BIRC6: variants seen among roughly 807,000 people sequenced by gnomAD.
The protein encoded by BIRC6 is baculoviral IAP repeat containing 6, also known as dual E2 ubiquitin-conjugating enzyme/E3 ubiquitin-protein ligase BIRC6.
BIRC6 carries 98 observed loss-of-function variants against 503.3 expected under a neutral mutation model. The observed-to-expected ratio is 0.19, with a 90% CI of 0.17 to 0.23. The LOEUF is 0.23. Ranked by LOEUF, BIRC6 falls within the 10% of genes least tolerant of loss-of-function variation. The pLI, the probability that BIRC6 is intolerant of heterozygous loss-of-function variation, is 1.00. For missense variants in BIRC6, 5,360 were observed against 5,806.0 expected (o/e 0.92, Z 2.50); for synonymous variants, 2,240 against 2,078.7 (o/e 1.08, Z -2.11).
intron 73 of BIRC6, among the ~76,000 whole-genome samples, chr2:32,613,719 A>G (rs1028622400): frequency 2.0e-5 from 3 of 152,178 alleles, no homozygotes; most frequent in African/African-American, 7.2e-5. Flanking sequence ...TACCTGTTAA[A>G]ACACTCATAA....
chr2:32,485,582 G>A (rs2050899476), intron 39 of BIRC6, 61 bp from the exon 40 acceptor site: 2 of 1,082,730 alleles, frequency 1.8e-6, no homozygotes, highest in Non-Finnish European at 2.8e-6. Flanking sequence ...TTTTATTGTA[G>A]GAGGTAGGAC....
intron 3 of BIRC6, among the ~76,000 whole-genome samples, chr2:32,387,678 G>A (rs2038668368): frequency 6.6e-6 from 1 of 152,156 alleles, no homozygotes; most frequent in Admixed American, 6.5e-5. Flanking sequence ...CAATGCATCT[G>A]CTAAGCTGAA....
At chr2:32,410,450 A>G (rs1388421875) in intron 9 of BIRC6, among the ~76,000 whole-genome samples, 1 of 152,228 alleles carries the variant, frequency 6.6e-6, no homozygotes, top group Non-Finnish European at 1.5e-5. Context: ...GAACAGCTTC[A>G]TTAATACAAT....
chr2:32,569,296 A>T (rs1241723567), intron 65 of BIRC6, among the ~76,000 whole-genome samples: 1 of 151,800 alleles, frequency 6.6e-6, no homozygotes, highest in Admixed American at 6.6e-5. Context: ...GCCTGTAGTT[A>T]TTCTTATAGA....
At chr2:32,604,018 G>T (rs1012694824) in intron 71 of BIRC6, among the ~76,000 whole-genome samples, 19 of 151,986 alleles carry the variant, frequency 1.3e-4, no homozygotes, top group Admixed American at 5.9e-4. Context: ...CTTTTTAAGT[G>T]ACGTTCTGTT....
In BIRC6 at chr2:32,481,462, C is replaced by G. The variant is rs529487346; in HGVS notation, c.7542+9C>G. On this transcript the variant is annotated intron_variant, in intron 38 of 73. Coordinates refer to ENST00000421745, the MANE Select transcript of BIRC6 (RefSeq NM_016252.4). ...CAGCCAAGGTTTTTAAGGTATGATA[C>G]ATGAGAATAGTCTTTGAAAGGAGGC... 1.9e-6 allele frequency: 3 copies of G among 1,601,088 alleles called. No individual in the cohort carries two copies. The highest frequency in any genetic ancestry group is 2.6e-6 in the Non-Finnish European group (3 of 1,173,808).
chr2:32,502,216 A>G (rs1043059858), intron 47 of BIRC6, among the ~76,000 whole-genome samples: 35 of 152,250 alleles, frequency 2.3e-4, no homozygotes, highest in African/African-American at 7.7e-4. Flanking sequence ...GATGTTATGT[A>G]AGAAGAAGTA....
intron 1 of BIRC6, 28 bp from the exon 2 acceptor site, chr2:32,377,558 TTA>T (rs2036998903): frequency 6.4e-7 from 1 of 1,558,812 alleles, no homozygotes; most frequent in South Asian, 1.2e-5. Flanking sequence ...CCTGAAAATC[TTA>T]AGTGTTGAAT....
chr2:32,435,540 G>A lies in BIRC6; in HGVS notation c.3454G>A (p.Asp1152Asn). 3.9e-6 allele frequency: 6 copies of A among 1,555,166 alleles called. No homozygotes were observed. The highest frequency in any genetic ancestry group is 5.2e-6 in the Non-Finnish European group (6 of 1,148,212). Residue 1152 changes from aspartate (D) to asparagine (N), a missense_variant, in exon 14 of 74, where the codon GAT (aspartate) becomes AAT (asparagine). Coordinates refer to ENST00000421745, the MANE Select transcript of BIRC6 (RefSeq NM_016252.4). ...VEQNGKPSLV[D>N]LNEEMQHMDV... ...ACAAAATGGGAAACCGTCCCTGGTT[G>A]ATTTGAATGAAGAAATGCAGCACAT...
intron 1 of BIRC6, among the ~76,000 whole-genome samples, chr2:32,373,184 A>G (rs2036228041): frequency 6.6e-6 from 1 of 152,210 alleles, no homozygotes; most frequent in Non-Finnish European, 1.5e-5. Flanking sequence ...ACTCATTGCA[A>G]TTCCTATCAA....
At chr2:32,568,903 C>T (rs2059726682) in intron 65 of BIRC6, among the ~76,000 whole-genome samples, 1 of 150,842 alleles carries the variant, frequency 6.6e-6, no homozygotes, top group Non-Finnish European at 1.5e-5. Context: ...TTTTAGTGTA[C>T]CCATCACTGG....
Position 32,391,961 on chromosome 2 carries a change from A to T in BIRC6, c.840-78A>T, listed in dbSNP as rs576506192. On this transcript the variant is annotated intron_variant, in intron 4 of 73. Coordinates refer to ENST00000421745, the MANE Select transcript of BIRC6 (RefSeq NM_016252.4). ...TTTTTGCTGATAACCCAGTAAAATT[A>T]TTTTTTGCATTGTTAAATAGAAGTT... 1.7e-3 allele frequency: 1,607 copies of T among 963,700 alleles called. 6 individuals are homozygous for T. The highest frequency in any genetic ancestry group is 2.5e-3 in the Admixed American group (87 of 34,172). The allele number at this position is 963,700 out of a possible 1,614,324, so 59.7% of individuals were successfully genotyped here. A position where few individuals can be genotyped will look rare whatever the true frequency, so the allele number is the denominator to read the frequency against.
intron 13 of BIRC6, among the ~76,000 whole-genome samples, chr2:32,435,133 T>C (rs1437550301): frequency 6.6e-6 from 1 of 152,064 alleles, no homozygotes; most frequent in Admixed American, 6.5e-5. Context: ...GTGCAGTCTT[T>C]TGACAGATTT....
chr2:32,446,742 T>G (rs1179266381), intron 21 of BIRC6, among the ~76,000 whole-genome samples: 1 of 98,236 alleles, frequency 1.0e-5, no homozygotes, highest in African/African-American at 4.2e-5. Context: ...TGCGCTGTTT[T>G]TTTTTTTTTT....
At chr2:32,405,993 G>A (rs2041164747) in intron 8 of BIRC6, among the ~76,000 whole-genome samples, 1 of 152,088 alleles carries the variant, frequency 6.6e-6, no homozygotes, top group Non-Finnish European at 1.5e-5. Context: ...GATTTAAGAA[G>A]ATTTTTGTCA....
chr2:32,435,739 T>A (rs999379796), intron 14 of BIRC6, among the ~76,000 whole-genome samples, 154 bp downstream of exon 14: 3 of 152,274 alleles, frequency 2.0e-5, no homozygotes, highest in African/African-American at 4.8e-5. Flanking sequence ...CAATATGCTT[T>A]AACTTTCAGC....
intron 1 of BIRC6, among the ~76,000 whole-genome samples, chr2:32,365,277 G>A (rs2034723118): frequency 6.6e-6 from 1 of 151,432 alleles, no homozygotes; most frequent in South Asian, 2.1e-4. Flanking sequence ...TAAATAAACT[G>A]ATACATACAG....
At chr2:32,597,125 C>T (rs1200954687) in intron 68 of BIRC6, among the ~76,000 whole-genome samples, 1 of 152,228 alleles carries the variant, frequency 6.6e-6, no homozygotes, top group Non-Finnish European at 1.5e-5. Context: ...ATGTATCAAA[C>T]ATTTTCTAGT....
At position 32,538,080 on chromosome 2, in the gene BIRC6, T is replaced by G. The variant is rs2150164096; in HGVS notation, c.12292-5161T>G. ...TATTAATAGAATCAATTCAGTAATA[T>G]TAGCGTCTATACTGCTTTTTTCTGG... On this transcript the variant is annotated intron_variant, in intron 61 of 73. Coordinates refer to ENST00000421745, the MANE Select transcript of BIRC6 (RefSeq NM_016252.4). 1.3e-5 allele frequency among the ~76,000 whole-genome samples: 2 copies of G among 152,318 alleles called. 1 individual carries two copies. The highest frequency in any genetic ancestry group is 4.1e-4 in the South Asian group (2 of 4,830).
Sources: allele counts gnomAD v4.1 joint callset (sites outside exome capture counted in the v4.1 genomes callset), GRCh38; gene constraint gnomAD v4.1.1; transcripts MANE v1.5; gene names NCBI Gene and HGNC (gene_info 2026-07-23, HGNC 2026-07-21).